Variants in CEP57 observed in about 807,000 individuals in gnomAD.
The protein encoded by CEP57 is centrosomal protein 57.
CEP57 carries 40 observed loss-of-function variants against 68.0 expected under a neutral mutation model. That is an observed-to-expected ratio of 0.59 (90% CI 0.46 to 0.77). The LOEUF (loss-of-function observed/expected upper bound fraction) is 0.77. Among genes scored for constraint, CEP57 ranks in the 30% least tolerant of loss-of-function variants. The pLI is 0.00. For missense variants in CEP57, 606 were observed against 580.7 expected, an observed-to-expected ratio of 1.04 and a Z score of -0.45; for synonymous variants, 219 against 198.7, an observed-to-expected ratio of 1.10 and a Z score of -0.86.
chr11:95,794,405 C>G (rs1861243282), intron 1 of CEP57: 1 of 443,410 alleles, frequency 2.3e-6, no homozygotes, highest in Admixed American at 2.4e-5. Context: ...ATTGTTTTAC[C>G]AAGTGATTAT....
At chr11:95,823,774 G>A (rs571699400) in intron 8 of CEP57, among the ~76,000 whole-genome samples, 2 of 152,188 alleles carry the variant, frequency 1.3e-5, no homozygotes, top group African/African-American at 4.8e-5. Context: ...GCCACGTGAC[G>A]CTAATCATCT....
intron 8 of CEP57, chr11:95,825,610 T>C (rs1400707497): frequency 6.8e-6 from 1 of 147,914 alleles, no homozygotes; most frequent in Admixed American, 6.7e-5. Flanking sequence ...TTTTTTTTTT[T>C]TTTTGAGACG....
intron 5 of CEP57, 182 bp downstream of exon 5, chr11:95,818,085 G>T: frequency 3.6e-6 from 2 of 561,446 alleles, no homozygotes; most frequent in South Asian, 4.3e-5. Context: ...ATCTTGGTGG[G>T]CATTTTTTTT....
intron 1 of CEP57, among the ~76,000 whole-genome samples, chr11:95,797,562 C>G (rs959786581): frequency 6.6e-6 from 1 of 152,146 alleles, no homozygotes; most frequent in Non-Finnish European, 1.5e-5. Flanking sequence ...GGTGCCCTAC[C>G]TTGAGTCCCT....
At chr11:95,822,078 T>C in intron 7 of CEP57, 100 bp downstream of exon 7, 1 of 800,802 alleles carries the variant, frequency 1.2e-6, no homozygotes, top group Non-Finnish European at 2.1e-6. Context: ...CTTGAGAGAG[T>C]AAATCTTTCA....
intron 2 of CEP57, among the ~76,000 whole-genome samples, chr11:95,810,709 A>C (rs1042220585): frequency 2.6e-5 from 4 of 152,218 alleles, no homozygotes; most frequent in African/African-American, 9.6e-5. Context: ...GATACAAACA[A>C]ATGGAAGAAC....
rs567835018 is a variant in CEP57 at position 95,809,194 on chromosome 11, T to C, written c.203-3738T>C. 2.6e-5 allele frequency among the ~76,000 whole-genome samples: 4 copies of C among 152,012 alleles called. No homozygotes were observed. The East Asian group carries it at 5.8e-4, about 22-fold the overall frequency. ...AACATACCAGATTCTTTGGGACACA[T>C]TCAAAGCAGTGTGTAGAGGGAAATT... On this transcript the variant is annotated intron_variant, in intron 2 of 10. Coordinates refer to ENST00000325542, the MANE Select transcript of CEP57 (RefSeq NM_014679.5).
At chr11:95,812,872 T>C (rs747562420) in intron 2 of CEP57, 60 bp from the exon 3 acceptor site, 16 of 1,450,742 alleles carry the variant, frequency 1.1e-5, no homozygotes, top group Non-Finnish European at 1.5e-5. Context: ...TTATTCTTTC[T>C]TAATATACTT....
Position 95,831,338 on chromosome 11 carries a change from A to G in CEP57, c.*82A>G, listed in dbSNP as rs1010611156. ...TGACAATTTACTTCCCAGGTCTCAT[A>G]CTCACTTATGTTGGAATTAATTAAT... On this transcript the variant is annotated 3_prime_UTR_variant, in exon 11 of 11. Transcript: ENST00000325542. 4 of 995,802 alleles carry G rather than the reference A, an allele frequency of 4.0e-6. No homozygotes were observed. The highest frequency in any genetic ancestry group is 6.3e-6 in the Non-Finnish European group (4 of 639,864). The allele number at this position is 995,802 out of a possible 1,614,324, so 61.7% of individuals were successfully genotyped here.
chr11:95,806,789 C>T (rs772647453), intron 2 of CEP57, among the ~76,000 whole-genome samples: 2 of 152,192 alleles, frequency 1.3e-5, no homozygotes, highest in Admixed American at 6.5e-5. Context: ...CTAACCTCTC[C>T]GGGTAGGCCA....
chr11:95,810,067 A>G (rs1861987131), intron 2 of CEP57, among the ~76,000 whole-genome samples: 1 of 152,226 alleles, frequency 6.6e-6, no homozygotes, highest in Non-Finnish European at 1.5e-5. Flanking sequence ...AGTAAACGTA[A>G]TTCATCATAT....
chr11:95,805,192 CCT>C (rs1466155333), intron 2 of CEP57, among the ~76,000 whole-genome samples: 1 of 152,088 alleles, frequency 6.6e-6, no homozygotes, highest in African/African-American at 2.4e-5. Context: ...AGTGAATTTG[CCT>C]CTGATTCAGA....
At chr11:95,795,961 G>A (rs1591044531) in intron 1 of CEP57, among the ~76,000 whole-genome samples, 2 of 152,158 alleles carry the variant, frequency 1.3e-5, no homozygotes, top group East Asian at 3.8e-4. Context: ...ACAAGACCCA[G>A]TATCGATTTC....
At chr11:95,810,398 A>G (rs185836023) in intron 2 of CEP57, among the ~76,000 whole-genome samples, 41 of 152,316 alleles carry the variant, frequency 2.7e-4, no homozygotes, top group Non-Finnish European at 5.7e-4. Flanking sequence ...TTAGGAAAAG[A>G]GGAAGTCAAA....
At chr11:95,797,273 T>G (rs1377022539) in intron 1 of CEP57, among the ~76,000 whole-genome samples, 1 of 151,102 alleles carries the variant, frequency 6.6e-6, no homozygotes, top group Admixed American at 6.6e-5. Context: ...TTCAAGTGAT[T>G]CTCCTGCCTT....
chr11:95,827,832 T>G lies in CEP57; in HGVS notation c.932T>G (p.Leu311Trp). Residue 311 changes from leucine to tryptophan, a missense_variant, in exon 9 of 11, where the codon TTG (leucine) becomes TGG (tryptophan). By Grantham distance (61) the Leu-to-Trp change is moderately conservative. Coordinates refer to ENST00000325542, the MANE Select transcript of CEP57 (RefSeq NM_014679.5). ...HAVVANVQLV[L>W]HLMKQHSKAL... Reference sequence around the variant, plus strand: ...GTGGTAGCCAATGTTCAGCTTGTCTTGCATCTAATGAAGCAACACAGTAAA... The same window carrying G: ...GTGGTAGCCAATGTTCAGCTTGTCTGGCATCTAATGAAGCAACACAGTAAA... 1 of 1,614,142 alleles carries G rather than the reference T, an allele frequency of 6.2e-7. No individual in the cohort carries two copies. Among genetic ancestry groups the G allele is most frequent in the East Asian group, 2.2e-5 (1 of 44,878 alleles).
At chr11:95,820,594 A>AAAAC (rs1429892462) in intron 6 of CEP57, among the ~76,000 whole-genome samples, 3 of 151,972 alleles carry the variant, frequency 2.0e-5, no homozygotes, top group Admixed American at 6.6e-5. Flanking sequence ...AAAAAAAAAA[A>AAAAC]AAACAGTGTT....
intron 1 of CEP57, among the ~76,000 whole-genome samples, chr11:95,794,987 C>T (rs1264491469): frequency 6.6e-6 from 1 of 152,128 alleles, no homozygotes; most frequent in African/African-American, 2.4e-5. Context: ...GGTGTGTTAC[C>T]TGGCTCTTTG....
At position 95,803,360 on chromosome 11, in the gene CEP57, A is replaced by G. The variant is rs182177824; in HGVS notation, c.202+3972A>G. On this transcript the variant is annotated intron_variant, in intron 2 of 10. Transcript: ENST00000325542. ...GAGAACACTACTAATGAACTCAGAC[A>G]TCATCAAGGATACAGTAGTGGATGA... 9.2e-4 allele frequency among the ~76,000 whole-genome samples: 140 copies of G among 152,360 alleles called. 1 individual carries two copies. Among genetic ancestry groups the G allele is most frequent in the Middle Eastern group, 6.8e-3 (2 of 294 alleles).
Sources: gnomAD v4.1 joint callset for allele counts (sites outside exome capture counted in the v4.1 genomes callset) on GRCh38, gnomAD v4.1.1 for gene constraint, MANE v1.5 for transcripts, NCBI Gene and HGNC (gene_info 2026-07-23, HGNC 2026-07-21) for gene names.